The following PAMR1 variants were observed in gnomAD, a reference collection of about 807,000 sequenced individuals.
PAMR1 encodes the protein inactive serine protease PAMR1.
In PAMR1, 88 loss-of-function variants were observed where a neutral mutation model predicts 81.8. The ratio of observed to expected loss-of-function variants is 1.08; its 90% CI spans 0.91 to 1.28. The LOEUF (loss-of-function observed/expected upper bound fraction) is 1.28. PAMR1 is among the 50% of genes most tolerant of loss of function. The pLI is 0.00. For missense variants in PAMR1, 935 were observed against 919.7 expected, an observed-to-expected ratio of 1.02 and a Z score of -0.21; for synonymous variants, 336 against 345.3, an observed-to-expected ratio of 0.97 and a Z score of 0.30.
chr11:35,497,631 G>C (rs1393144009), intron 1 of PAMR1, among the ~76,000 whole-genome samples: 1 of 152,128 alleles, frequency 6.6e-6, no homozygotes, highest in Non-Finnish European at 1.5e-5. Flanking sequence ...TTACCCCTTA[G>C]CTCTCCCTTC....
intron 1 of PAMR1, among the ~76,000 whole-genome samples, chr11:35,511,050 C>T (rs1253895397): frequency 6.6e-6 from 1 of 152,236 alleles, no homozygotes; most frequent in Non-Finnish European, 1.5e-5. Flanking sequence ...ATGAGAATAG[C>T]AAGTCATTGA....
upstream of PAMR1, among the ~76,000 whole-genome samples, chr11:35,526,370 G>A (rs1004629599): frequency 1.3e-5 from 2 of 152,214 alleles, no homozygotes; most frequent in African/African-American, 4.8e-5. Flanking sequence ...ACGCCAGGCA[G>A]GGATGGCGAA....
rs144928277 is a variant in PAMR1, at chr11:35,476,055, A to G, written c.380-1311T>C. On this transcript the variant is annotated intron_variant, in intron 3 of 10. Coordinates refer to ENST00000619888, the MANE Select transcript of PAMR1 (RefSeq NM_001001991.3). ...TAGTAATATTTCTAGTGTTAGGAAA[A>G]GAGCCCAAACTCCACTTTTGACAAA... Among the ~76,000 whole-genome samples, 861 of 152,350 alleles carry G rather than the reference A, an allele frequency of 5.7e-3. 6 individuals are homozygous for G. Among genetic ancestry groups the G allele is most frequent in the African/African-American group, 0.018 (753 of 41,576 alleles).
At chr11:35,433,408 T>C (rs1855953497) in intron 10 of PAMR1, among the ~76,000 whole-genome samples, 1 of 152,250 alleles carries the variant, frequency 6.6e-6, no homozygotes, top group Non-Finnish European at 1.5e-5. Flanking sequence ...GCTCAGAATA[T>C]TCCACAAGAC....
chr11:35,485,109 C>A (rs1850474128), intron 3 of PAMR1, among the ~76,000 whole-genome samples: 2 of 152,130 alleles, frequency 1.3e-5, no homozygotes, highest in African/African-American at 4.8e-5. Context: ...CATAGAAAAT[C>A]AAGGTGAACT....
chr11:35,474,728 C>CAGAA lies in PAMR1; in HGVS notation c.392_395dup (p.Arg133SerfsTer20). 6.2e-7 allele frequency: 1 copy of CAGAA among 1,608,882 alleles called. No homozygotes were observed. The highest frequency in any genetic ancestry group is 2.2e-5 in the East Asian group (1 of 44,728). On this transcript the variant is annotated frameshift_variant, in exon 4 of 11. Coordinates refer to ENST00000619888, the MANE Select transcript of PAMR1 (RefSeq NM_001001991.3). LOFTEE classifies it high-confidence loss of function. ...ACAAAATCTGACCCTTTGGGGCTCG[C>CAGAA]AGAACCTGGCCACATCCTAAGAAAA...
Position 35,468,000 on chromosome 11 carries a change from C to T in PAMR1, c.820+1G>A, listed in dbSNP as rs376923695. Reference sequence around the variant, plus strand: ...AACTCCCACTTAGGAAGCATACTCACGATTTTCACAGCGCTGCCCAGTATA... The same window carrying T: ...AACTCCCACTTAGGAAGCATACTCATGATTTTCACAGCGCTGCCCAGTATA... On this transcript the variant is annotated splice_donor_variant, in intron 6 of 10. Transcript: ENST00000619888. LOFTEE classifies it high-confidence loss of function. The T allele has an allele frequency of 2.6e-5, 40 of 1,546,840 alleles. No individual in the cohort carries two copies. The African/African-American group carries it at 2.9e-4, about 11-fold the overall frequency.
In PAMR1 at chr11:35,434,581, G is replaced by T. The variant is rs757650549; in HGVS notation, c.1557C>A (p.Asp519Glu). The change falls in exon 10 of 11, where the codon GAC (aspartate) becomes GAA (glutamate). Residue 519 changes from aspartate to glutamate, a missense_variant. By Grantham distance (45) the Asp-to-Glu change is conservative (BLOSUM62 2). Coordinates refer to ENST00000619888, the MANE Select transcript of PAMR1 (RefSeq NM_001001991.3). Reference protein sequence around the residue: ...LGKVTMIKTADLKVVLGKFYR... With the variant: ...LGKVTMIKTAELKVVLGKFYR... Reference sequence around the variant, plus strand: ...AGAATTTCCCCAAAACAACTTTCAGGTCTGCTGTCTTGATCATGGTGACCT... The same window carrying T: ...AGAATTTCCCCAAAACAACTTTCAGTTCTGCTGTCTTGATCATGGTGACCT... 21 of 1,613,856 alleles carry T rather than the reference G, an allele frequency of 1.3e-5. No individual in the cohort carries two copies. The highest frequency in any genetic ancestry group is 4.4e-5 in the South Asian group (4 of 91,066).
chr11:35,497,327 G>C (rs2135404726), intron 1 of PAMR1, among the ~76,000 whole-genome samples: 1 of 152,226 alleles, frequency 6.6e-6, no homozygotes, highest in South Asian at 2.1e-4. Context: ...AAACACAAAA[G>C]GACAAATATT....
rs1364003073 is a variant in PAMR1, at chr11:35,479,967, C to T, written c.380-5223G>A. Reference sequence around the variant, plus strand: ...GGCTTTTATCAGGGGCTCAGGTGTTCATCAGGAACAATGACAAGTCCTCAG... The same window carrying T: ...GGCTTTTATCAGGGGCTCAGGTGTTTATCAGGAACAATGACAAGTCCTCAG... On this transcript the variant is annotated intron_variant, in intron 3 of 10. Coordinates refer to ENST00000619888, the MANE Select transcript of PAMR1 (RefSeq NM_001001991.3). Among the ~76,000 whole-genome samples the T allele has an allele frequency of 6.6e-5, 10 of 152,230 alleles. 1 individual carries two copies. In the South Asian group the frequency reaches 2.1e-3, roughly 32 times the overall value.
upstream of PAMR1, among the ~76,000 whole-genome samples, chr11:35,529,668 A>G (rs1851436585): frequency 6.6e-6 from 1 of 152,202 alleles, no homozygotes; most frequent in Admixed American, 6.5e-5. Context: ...AGATATCAGT[A>G]AATGTTAACT....
Position 35,432,043 on chromosome 11 carries a change from C to A in PAMR1, c.*313G>T. 1 of 316,134 alleles carries A rather than the reference C, an allele frequency of 3.2e-6. No homozygotes were observed. The highest frequency in any genetic ancestry group is 5.9e-6 in the Non-Finnish European group (1 of 169,600). The allele number at this position is 316,134 out of a possible 1,614,324, so 19.6% of individuals were successfully genotyped here. On this transcript the variant is annotated 3_prime_UTR_variant, in exon 11 of 11. Coordinates refer to ENST00000619888, the MANE Select transcript of PAMR1 (RefSeq NM_001001991.3). ...CTTCCCTGGTCAAGCTGATGGCATT[C>A]GTATAACTGAAAGTTGGGGAAGACC...
At chr11:35,493,888 A>T (rs896104541) in intron 2 of PAMR1, among the ~76,000 whole-genome samples, 1 of 152,268 alleles carries the variant, frequency 6.6e-6, no homozygotes, top group Admixed American at 6.5e-5. Flanking sequence ...GAATGAATTC[A>T]AAGTTTCACA....
intron 6 of PAMR1, 30 bp downstream of exon 6, chr11:35,467,971 C>A: frequency 1.4e-6 from 2 of 1,386,064 alleles, no homozygotes; most frequent in Non-Finnish European, 1.0e-6. Context: ...CCATCTGACA[C>A]CTTAACTCCC....
At chr11:35,444,300 T>C (rs1387819368) in intron 6 of PAMR1, among the ~76,000 whole-genome samples, 1 of 152,242 alleles carries the variant, frequency 6.6e-6, no homozygotes, top group Non-Finnish European at 1.5e-5. Context: ...AGGTTGTATG[T>C]TCACTCTGAT....
intron 3 of PAMR1, among the ~76,000 whole-genome samples, chr11:35,490,045 C>T (rs1240117763): frequency 2.0e-5 from 3 of 152,244 alleles, no homozygotes; most frequent in African/African-American, 7.2e-5. Context: ...CTGGGAAGGC[C>T]TTGCAATCAT....
intron 1 of PAMR1, among the ~76,000 whole-genome samples, chr11:35,506,618 C>T (rs1850962684): frequency 2.0e-5 from 3 of 151,588 alleles, no homozygotes; most frequent in African/African-American, 4.8e-5. Context: ...GCACTTTGAA[C>T]ATGTTGTCCT....
At chr11:35,504,615 G>T (rs586291) in intron 1 of PAMR1, among the ~76,000 whole-genome samples, 47,468 of 151,802 alleles carry the variant, frequency 0.31, 7,500 homozygotes, top group African/African-American at 0.37. Flanking sequence ...TTGGTAGGTT[G>T]CAAGTGCCCA....
intron 4 of PAMR1, 66 bp from the exon 5 acceptor site, chr11:35,470,884 CATTCAAGGCCAGATG>C: frequency 9.3e-7 from 1 of 1,080,112 alleles, no homozygotes; most frequent in Non-Finnish European, 1.4e-6. Flanking sequence ...CCGCTGGGCT[CATTCAAGGCCAGATG>C]AGGAACAGGC....
Sources: allele counts gnomAD v4.1 joint callset (sites outside exome capture counted in the v4.1 genomes callset), GRCh38; gene constraint gnomAD v4.1.1; transcripts MANE v1.5; gene names NCBI Gene and HGNC (gene_info 2026-07-23, HGNC 2026-07-21).